SMIM31: variants seen among roughly 807,000 people sequenced by gnomAD.
The protein encoded by SMIM31 is small integral membrane protein 31.
At chr4:164,778,191 C>T (rs1282905717) in intron 2 of SMIM31, among the ~76,000 whole-genome samples, 3 of 152,158 alleles carry the variant, frequency 2.0e-5, no homozygotes, top group African/African-American at 7.2e-5. Flanking sequence ...AGTTTGAGAT[C>T]AGCCTGGGCA....
intron 1 of SMIM31, among the ~76,000 whole-genome samples, chr4:164,767,827 C>A (rs896614579): frequency 1.3e-5 from 2 of 152,126 alleles, no homozygotes; most frequent in Non-Finnish European, 2.9e-5. Context: ...CTGACAATAT[C>A]TATTATCCCA....
intron 2 of SMIM31, among the ~76,000 whole-genome samples, chr4:164,779,690 AGACTG>A (rs1025827276): frequency 1.1e-4 from 16 of 152,312 alleles, no homozygotes; most frequent in African/African-American, 3.8e-4. Flanking sequence ...GCATGGAATG[AGACTG>A]TTCATTATTT....
At chr4:164,778,033 G>A (rs1188170171) in intron 2 of SMIM31, among the ~76,000 whole-genome samples, 2 of 152,240 alleles carry the variant, frequency 1.3e-5, no homozygotes, top group African/African-American at 2.4e-5. Flanking sequence ...CAATAAGCAT[G>A]TTTGTTGTTT....
intron 2 of SMIM31, among the ~76,000 whole-genome samples, chr4:164,798,461 T>C (rs917442117): frequency 3.3e-5 from 5 of 152,036 alleles, no homozygotes; most frequent in African/African-American, 1.2e-4. Flanking sequence ...CAGGATGGTC[T>C]TGATCTCCTG....
chr4:164,798,994 T>C (rs1733247622), intron 2 of SMIM31, among the ~76,000 whole-genome samples: 1 of 152,106 alleles, frequency 6.6e-6, no homozygotes, highest in Non-Finnish European at 1.5e-5. Context: ...CTGCCATGAG[T>C]AAAAGCTCCC....
chr4:164,786,213 T>C (rs532014378), intron 2 of SMIM31, among the ~76,000 whole-genome samples: 1 of 152,362 alleles, frequency 6.6e-6, no homozygotes, highest in African/African-American at 2.4e-5. Flanking sequence ...TTTGTTATAC[T>C]ATTTGCTCAG....
intron 1 of SMIM31, among the ~76,000 whole-genome samples, chr4:164,765,875 G>A (rs956522654): frequency 2.0e-5 from 3 of 152,074 alleles, no homozygotes; most frequent in Non-Finnish European, 2.9e-5. Context: ...TTTTTACTCT[G>A]GCAGATTTTT....
intron 2 of SMIM31, among the ~76,000 whole-genome samples, chr4:164,777,308 A>G (rs1014711296): frequency 1.3e-5 from 2 of 152,262 alleles, no homozygotes; most frequent in South Asian, 2.1e-4. Context: ...ATGGCGTGGT[A>G]TATTTCCATT....
chr4:164,795,730 T>C (rs1733182020), intron 2 of SMIM31, among the ~76,000 whole-genome samples: 1 of 152,202 alleles, frequency 6.6e-6, no homozygotes, highest in East Asian at 1.9e-4. Context: ...TTTTCATATT[T>C]CTAAGGCCTG....
chr4:164,760,783 T>G (rs1284129324), intron 1 of SMIM31, among the ~76,000 whole-genome samples: 1 of 149,862 alleles, frequency 6.7e-6, no homozygotes, highest in African/African-American at 2.5e-5. Context: ...TAGGATTTCT[T>G]GAAAGAAGAG....
chr4:164,780,999 G>A (rs1339786754), intron 2 of SMIM31, among the ~76,000 whole-genome samples: 5 of 151,970 alleles, frequency 3.3e-5, no homozygotes, highest in African/African-American at 1.2e-4. Context: ...GTACAGACAG[G>A]GGTCTTGCTA....
At chr4:164,789,803 A>G (rs1315721653) in intron 2 of SMIM31, among the ~76,000 whole-genome samples, 1 of 152,154 alleles carries the variant, frequency 6.6e-6, no homozygotes, top group Non-Finnish European at 1.5e-5. Flanking sequence ...TTCATTCTTT[A>G]TCCTTCTCTG....
intron 2 of SMIM31, among the ~76,000 whole-genome samples, chr4:164,779,894 G>T (rs972726131): frequency 2.6e-5 from 4 of 152,142 alleles, no homozygotes; most frequent in African/African-American, 9.7e-5. Flanking sequence ...CAACAAACTG[G>T]TTTTTTGGCA....
intron 2 of SMIM31, among the ~76,000 whole-genome samples, chr4:164,800,416 C>T (rs1015493648): frequency 3.3e-5 from 5 of 152,016 alleles, no homozygotes; most frequent in Admixed American, 2.6e-4. Flanking sequence ...CCCTGTTGGC[C>T]GGGCTGGTTT....
chr4:164,798,792 G>A (rs1184251541), intron 2 of SMIM31, among the ~76,000 whole-genome samples: 2 of 152,122 alleles, frequency 1.3e-5, no homozygotes, highest in Non-Finnish European at 2.9e-5. Context: ...GTTGAAGGTG[G>A]GGCCCGGTTG....
At chr4:164,764,285 G>A (rs982799777) in intron 1 of SMIM31, among the ~76,000 whole-genome samples, 1 of 152,054 alleles carries the variant, frequency 6.6e-6, no homozygotes, top group Non-Finnish European at 1.5e-5. Context: ...TGTGGTGGGT[G>A]TGGCAGGGCA....
rs990054194 is a variant in SMIM31, at chr4:164,801,833, C to T, written c.*639C>T. 1 of 152,114 alleles carries T rather than the reference C, an allele frequency of 6.6e-6. No homozygotes were observed. The highest frequency in any genetic ancestry group is 1.5e-5 in the Non-Finnish European group (1 of 68,030). 9.4% of individuals were successfully genotyped at this position (152,114 alleles called of 1,614,324 possible). A position where few individuals can be genotyped will look rare whatever the true frequency, so the allele number is the denominator to read the frequency against. ...TGTTTGTAAATCTCTCGTCCCAATA[C>T]TATGTAAATCCTTAATGTGTAAGCA... On this transcript the variant is annotated 3_prime_UTR_variant, in exon 3 of 3. Coordinates refer to ENST00000507311, the MANE Select transcript of SMIM31 (RefSeq NM_001352885.1).
intron 2 of SMIM31, among the ~76,000 whole-genome samples, chr4:164,785,675 C>T (rs990482223): frequency 6.7e-6 from 1 of 149,438 alleles, no homozygotes; most frequent in African/African-American, 2.5e-5. Flanking sequence ...TATCTTTAAC[C>T]TTAATCTTAT....
intron 2 of SMIM31, among the ~76,000 whole-genome samples, chr4:164,795,739 T>C (rs1244873129): frequency 1.3e-5 from 2 of 152,152 alleles, no homozygotes; most frequent in African/African-American, 4.8e-5. Context: ...TTCTAAGGCC[T>C]GCCATGTTGT....
Sources: allele counts gnomAD v4.1 joint callset (sites outside exome capture counted in the v4.1 genomes callset), GRCh38; gene constraint gnomAD v4.1.1; transcripts MANE v1.5; gene names NCBI Gene and HGNC (gene_info 2026-07-23, HGNC 2026-07-21).